Variants in VTI1A observed in about 807,000 individuals in gnomAD.
VTI1A encodes vesicle transport through interaction with t-SNAREs 1A, also known as vesicle transport through interaction with t-SNAREs homolog 1A.
A neutral mutation model predicts 34.9 loss-of-function variants in VTI1A; 22 were observed. The ratio of observed to expected loss-of-function variants is 0.63; its 90% confidence interval spans 0.45 to 0.90. The LOEUF is 0.90. VTI1A is among the 40% of genes least tolerant of loss of function. The pLI is 0.00. For synonymous variants in VTI1A, 87 were observed against 97.3 expected, an observed-to-expected ratio of 0.89 and a Z score of 0.62; for missense variants, 268 against 275.6, an observed-to-expected ratio of 0.97 and a Z score of 0.20.
chr10:112,618,524 T>TATATATATCGAGAGAGAG (rs748276058), intron 5 of VTI1A, among the ~76,000 whole-genome samples: 4 of 34,580 alleles, frequency 1.2e-4, no homozygotes, highest in Non-Finnish European at 1.7e-4. Flanking sequence ...TATATATATA[T>TATATATATCGAGAGAGAG]AGAGAGAGAG....
At chr10:112,520,641 G>GTA (rs1397537845) in intron 3 of VTI1A, among the ~76,000 whole-genome samples, 4 of 111,422 alleles carry the variant, frequency 3.6e-5, no homozygotes, top group Admixed American at 9.1e-5. Flanking sequence ...GTGTGTGTGT[G>GTA]TGTGTGTATA....
At chr10:112,495,423 T>A (rs1195868906) in intron 3 of VTI1A, among the ~76,000 whole-genome samples, 1 of 152,104 alleles carries the variant, frequency 6.6e-6, no homozygotes, top group Non-Finnish European at 1.5e-5. Flanking sequence ...AAGGATAAAG[T>A]CCCAAGTTTC....
chr10:112,775,569 C>G (rs1243681414), intron 7 of VTI1A, among the ~76,000 whole-genome samples: 1 of 150,818 alleles, frequency 6.6e-6, no homozygotes, highest in Non-Finnish European at 1.5e-5. Flanking sequence ...TTCCTAACAG[C>G]AGAGGGGGAA....
intron 5 of VTI1A, among the ~76,000 whole-genome samples, chr10:112,602,664 C>G (rs1003828430): frequency 6.6e-6 from 1 of 152,180 alleles, no homozygotes; most frequent in Non-Finnish European, 1.5e-5. Flanking sequence ...AATTGTAAGT[C>G]TTTACTATCA....
At chr10:112,545,960 A>G (rs1462412727) in intron 5 of VTI1A, among the ~76,000 whole-genome samples, 1 of 150,322 alleles carries the variant, frequency 6.7e-6, no homozygotes, top group Non-Finnish European at 1.5e-5. Flanking sequence ...GTGTGTGTGT[A>G]TATACGTGTA....
intron 7 of VTI1A, among the ~76,000 whole-genome samples, chr10:112,778,117 A>G (rs968030439): frequency 2.6e-5 from 4 of 152,212 alleles, no homozygotes; most frequent in African/African-American, 2.4e-5. Context: ...AAAGGAAAAA[A>G]AAAAGTGTAT....
In VTI1A at chr10:112,666,502, C is replaced by CT. The variant is rs148022417; in HGVS notation, c.428-1716_428-1715insT. 3.4e-3 allele frequency among the ~76,000 whole-genome samples: 524 copies of CT among 152,280 alleles called. 2 individuals carry two copies. The highest frequency in any genetic ancestry group is 6.3e-3 in the Admixed American group (96 of 15,278). On this transcript the variant is annotated intron_variant, in intron 5 of 7. Transcript: ENST00000393077. ...GGCATGGAAGCTCCATGAGTGCAAA[C>CT]ACTTGATGTTGATTCCTGGCCATAT... is the stretch of plus-strand genomic sequence containing the variant.
chr10:112,538,171 A>AT (rs34676462), intron 4 of VTI1A, 75 bp from the exon 5 acceptor site: 18,388 of 1,072,506 alleles, frequency 0.017, 4 homozygotes, highest in Non-Finnish European at 0.019. Context: ...ATACGAAGGC[A>AT]TTTTTTTTTT....
At chr10:112,786,342 C>T (rs961166461) in intron 7 of VTI1A, among the ~76,000 whole-genome samples, 2 of 152,160 alleles carry the variant, frequency 1.3e-5, no homozygotes, top group African/African-American at 4.8e-5. Flanking sequence ...TTTTGTCGAT[C>T]TCTTAGGATT....
intron 7 of VTI1A, among the ~76,000 whole-genome samples, chr10:112,807,517 G>C (rs1224752080): frequency 6.6e-6 from 1 of 152,034 alleles, no homozygotes. Flanking sequence ...ACCAGTCATC[G>C]GATTTAGGGC....
At chr10:112,745,596 A>G (rs533360875) in intron 7 of VTI1A, among the ~76,000 whole-genome samples, 1 of 152,270 alleles carries the variant, frequency 6.6e-6, no homozygotes, top group African/African-American at 2.4e-5. Context: ...AATCTATCCC[A>G]CTACATCCAA....
chr10:112,721,512 C>A lies in VTI1A; in HGVS notation c.560+52514C>A, dbSNP rs79530603. 7.0e-3 allele frequency among the ~76,000 whole-genome samples: 1,073 copies of A among 152,304 alleles called. 17 individuals carry two copies. Among genetic ancestry groups the A allele is most frequent in the African/African-American group, 0.024 (1,010 of 41,558 alleles). ...GATGCTCACAATTTGACAAGCTTTT[C>A]ATTGTCTTTGTTTTTATGTACTTTT... On this transcript the variant is annotated intron_variant, in intron 7 of 7. Coordinates refer to ENST00000393077, the MANE Select transcript of VTI1A (RefSeq NM_145206.4).
intron 2 of VTI1A, among the ~76,000 whole-genome samples, chr10:112,462,890 A>G (rs1847771734): frequency 6.7e-6 from 1 of 149,268 alleles, no homozygotes; most frequent in African/African-American, 2.5e-5. Context: ...TGTTGTTGTT[A>G]CTGGTTTTTA....
At chr10:112,577,830 G>A (rs911435764) in intron 5 of VTI1A, among the ~76,000 whole-genome samples, 1 of 152,192 alleles carries the variant, frequency 6.6e-6, no homozygotes, top group Non-Finnish European at 1.5e-5. Context: ...AGCCTTCCAG[G>A]CAGTGAAGAA....
intron 7 of VTI1A, among the ~76,000 whole-genome samples, chr10:112,759,077 C>G (rs1851374380): frequency 6.6e-6 from 1 of 152,136 alleles, no homozygotes; most frequent in Admixed American, 6.5e-5. Context: ...GCCTCCCTAC[C>G]CCAGCCGGCT....
chr10:112,835,827 A>G, the VTI1A span, among the ~76,000 whole-genome samples: 1 of 152,182 alleles, frequency 6.6e-6, no homozygotes, highest in Non-Finnish European at 1.5e-5. Flanking sequence ...TTTCTCAGAT[A>G]TATTGGGGTA....
chr10:112,759,182 G>A (rs924073325), intron 7 of VTI1A, among the ~76,000 whole-genome samples: 2 of 152,180 alleles, frequency 1.3e-5, no homozygotes, highest in African/African-American at 4.8e-5. Flanking sequence ...AAAGAAGCCC[G>A]AGGCAATGCT....
chr10:112,771,010 C>T (rs979167417), intron 7 of VTI1A, among the ~76,000 whole-genome samples: 2 of 152,068 alleles, frequency 1.3e-5, no homozygotes, highest in African/African-American at 4.8e-5. Context: ...AACACTGAGT[C>T]GTTTTGAATG....
intron 3 of VTI1A, among the ~76,000 whole-genome samples, chr10:112,493,688 G>C (rs1218528059): frequency 6.6e-6 from 1 of 152,084 alleles, no homozygotes; most frequent in Non-Finnish European, 1.5e-5. Flanking sequence ...ATAGGTGTTG[G>C]ATTTCATCAA....
Sources: gnomAD v4.1 joint callset for allele counts (sites outside exome capture counted in the v4.1 genomes callset) on GRCh38, gnomAD v4.1.1 for gene constraint, MANE v1.5 for transcripts, NCBI Gene and HGNC (gene_info 2026-07-23, HGNC 2026-07-21) for gene names.